NAV2: variants seen among roughly 807,000 people sequenced by gnomAD.
NAV2 encodes neuron navigator 2.
A neutral mutation model predicts 223.2 loss-of-function variants in NAV2; 54 were observed. The ratio of observed to expected loss-of-function variants is 0.24; its 90% CI spans 0.19 to 0.30. The LOEUF (loss-of-function observed/expected upper bound fraction) is 0.30, where lower values mean the gene tolerates loss of function less well. Ranked by LOEUF, NAV2 falls within the 10% of genes least tolerant of loss-of-function variation. The pLI is 1.00. For missense variants in NAV2, 2,806 were observed against 3,147.5 expected, an observed-to-expected ratio of 0.89 and a Z score of 2.60; for synonymous variants, 1,279 against 1,239.3, an observed-to-expected ratio of 1.03 and a Z score of -0.67.
intron 1 of NAV2, among the ~76,000 whole-genome samples, chr11:19,555,228 C>T (rs947488799): frequency 1.3e-5 from 2 of 152,276 alleles, no homozygotes; most frequent in Admixed American, 1.3e-4. Context: ...GAGGTGGAAC[C>T]ATGAAACATG....
intron 1 of NAV2, among the ~76,000 whole-genome samples, chr11:19,673,529 GA>G (rs2048626457): frequency 6.6e-6 from 1 of 152,188 alleles, no homozygotes; most frequent in African/African-American, 2.4e-5. Context: ...CAGCTTCTCT[GA>G]TAACAAGTTT....
At chr11:19,490,857 G>C (rs929565379) in intron 1 of NAV2, among the ~76,000 whole-genome samples, 1 of 152,128 alleles carries the variant, frequency 6.6e-6, no homozygotes, top group Non-Finnish European at 1.5e-5. Flanking sequence ...CTTTTGAAAT[G>C]TATTTTTGAA....
chr11:19,348,082 C>T (rs908201948), upstream of NAV2, among the ~76,000 whole-genome samples: 1 of 152,202 alleles, frequency 6.6e-6, no homozygotes, highest in African/African-American at 2.4e-5. Context: ...GAACATCCTC[C>T]CACTTCCTGC....
In NAV2 at chr11:19,880,054, C is replaced by T; in HGVS notation, c.697C>T (p.Pro233Ser). The T allele has an allele frequency of 6.2e-7, 1 of 1,613,398 alleles. No individual in the cohort carries two copies. Among genetic ancestry groups the T allele is most frequent in the Non-Finnish European group, 8.5e-7 (1 of 1,179,574 alleles). Residue 233 changes from proline (P) to serine (S), a missense_variant, in exon 5 of 38, where the codon CCC becomes TCC. Pro to Ser is a moderately conservative substitution (Grantham distance 74). This residue lies in a region of NAV2 where 1,167 missense variants were observed against 1,180.5 expected (regional missense o/e 0.99). Transcript: ENST00000349880. Reference sequence around the variant, plus strand: ...CCCTCAGCAGCAGGTGCCAGTCACTCCCCAAGCCCCGTGCCAGCCTCACCA... The same window carrying T: ...CCCTCAGCAGCAGGTGCCAGTCACTTCCCAAGCCCCGTGCCAGCCTCACCA... Reference protein sequence around the residue: ...GTPQQQVPVTPQAPCQPHQPA... With the variant: ...GTPQQQVPVTSQAPCQPHQPA...
intron 1 of NAV2, among the ~76,000 whole-genome samples, chr11:19,747,338 T>C (rs139486805): frequency 2.6e-3 from 392 of 152,206 alleles, no homozygotes; most frequent in African/African-American, 8.7e-3. Flanking sequence ...CTCAAGTACT[T>C]TCTCACCACT....
At chr11:19,444,783 G>A (rs1851525889) in intron 1 of NAV2, among the ~76,000 whole-genome samples, 1 of 151,958 alleles carries the variant, frequency 6.6e-6, no homozygotes, top group Non-Finnish European at 1.5e-5. Flanking sequence ...TCTCCCCTGA[G>A]AGGTCGTTTT....
intron 1 of NAV2, among the ~76,000 whole-genome samples, chr11:19,520,754 C>G (rs1022673231): frequency 1.3e-5 from 2 of 152,202 alleles, no homozygotes; most frequent in Admixed American, 1.3e-4. Flanking sequence ...CTTTGCCAAG[C>G]GAGGGCCCAG....
intron 10 of NAV2, among the ~76,000 whole-genome samples, chr11:19,954,183 G>C (rs925127459): frequency 4.6e-5 from 7 of 152,154 alleles, no homozygotes; most frequent in Non-Finnish European, 8.8e-5. Flanking sequence ...GCTCCTGGCT[G>C]GTGATATTTA....
At chr11:20,077,478 T>C in intron 22 of NAV2, 74 bp from the exon 23 acceptor site, 1 of 1,202,290 alleles carries the variant, frequency 8.3e-7, no homozygotes, top group South Asian at 1.3e-5. Flanking sequence ...GATTTTCATC[T>C]TTAAGAGCCA....
At chr11:19,630,263 C>A (rs2047306249) in intron 1 of NAV2, among the ~76,000 whole-genome samples, 1 of 152,214 alleles carries the variant, frequency 6.6e-6, no homozygotes, top group South Asian at 2.1e-4. Context: ...ATAAAGCCTA[C>A]CTGGCTTAGC....
chr11:19,497,577 ACTCATC>A (rs2042837408), intron 1 of NAV2, among the ~76,000 whole-genome samples: 1 of 151,932 alleles, frequency 6.6e-6, no homozygotes, highest in Non-Finnish European at 1.5e-5. Flanking sequence ...TATTGTCCCT[ACTCATC>A]CATGGTTAGA....
At chr11:19,795,762 G>C (rs1244137058) in intron 1 of NAV2, among the ~76,000 whole-genome samples, 1 of 152,192 alleles carries the variant, frequency 6.6e-6, no homozygotes, top group Non-Finnish European at 1.5e-5. Context: ...TGTGATGAAG[G>C]TTTGTCTCAG....
chr11:19,667,185 T>C (rs2048437300), intron 1 of NAV2, among the ~76,000 whole-genome samples: 1 of 152,240 alleles, frequency 6.6e-6, no homozygotes, highest in Admixed American at 6.5e-5. Flanking sequence ...AGGATGTGCT[T>C]GTTCTTATTT....
At chr11:19,369,136 G>C (rs1200217926) in intron 1 of NAV2, among the ~76,000 whole-genome samples, 1 of 152,170 alleles carries the variant, frequency 6.6e-6, no homozygotes, top group East Asian at 1.9e-4. Context: ...CAGTTAGCAG[G>C]GTCCTTGGAG....
chr11:19,900,719 G>A (rs1039005270), intron 6 of NAV2, among the ~76,000 whole-genome samples: 4 of 152,174 alleles, frequency 2.6e-5, no homozygotes, highest in Non-Finnish European at 5.9e-5. Flanking sequence ...GTGTCCTCAG[G>A]AAGTATTTAT....
intron 5 of NAV2, among the ~76,000 whole-genome samples, chr11:19,888,205 T>C (rs1188931979): frequency 1.3e-5 from 2 of 152,176 alleles, no homozygotes; most frequent in Admixed American, 6.5e-5. Context: ...TTATTTGTAA[T>C]TGTGTTTGGA....
intron 1 of NAV2, among the ~76,000 whole-genome samples, chr11:19,808,387 G>T (rs942491992): frequency 2.6e-5 from 4 of 152,192 alleles, no homozygotes; most frequent in Non-Finnish European, 5.9e-5. Flanking sequence ...CAAAAGCGGG[G>T]TCACAAGAGC....
chr11:19,860,380 C>T (rs2061684197), intron 3 of NAV2, among the ~76,000 whole-genome samples: 1 of 148,584 alleles, frequency 6.7e-6, no homozygotes, highest in Admixed American at 6.6e-5. Context: ...AGACGCTCCT[C>T]ACATCCCGGA....
chr11:19,914,540 CT>C (rs10707433), intron 6 of NAV2, among the ~76,000 whole-genome samples: 10,101 of 141,484 alleles, frequency 0.071, 955 homozygotes, highest in African/African-American at 0.24. Context: ...TGTTCCTGTT[CT>C]TTTTTTTTTT....
Sources: gnomAD v4.1 joint callset for allele counts (sites outside exome capture counted in the v4.1 genomes callset) on GRCh38, gnomAD v4.1.1 for gene constraint, gnomAD v4.1.1 regional missense constraint, MANE v1.5 for transcripts, NCBI Gene and HGNC (gene_info 2026-07-23, HGNC 2026-07-21) for gene names.